The following IPCEF1 variants were observed in gnomAD, a reference collection of about 807,000 sequenced individuals.
IPCEF1 encodes interaction protein for cytohesin exchange factors 1.
Under a neutral mutation model 50.9 loss-of-function variants are expected in IPCEF1, and 31 were observed. The ratio of observed to expected loss-of-function variants is 0.61; its 90% CI spans 0.46 to 0.82. IPCEF1 has a LOEUF of 0.82. Among genes scored for constraint, IPCEF1 ranks in the 40% least tolerant of loss-of-function variants. The pLI is 0.00. For missense variants in IPCEF1, 458 were observed against 514.0 expected (o/e 0.89, Z 1.05); for synonymous variants, 181 against 192.0 (o/e 0.94, Z 0.47).
In IPCEF1 at chr6:154,212,796, G is replaced by A. The variant is rs35357377; in HGVS notation, c.511C>T (p.Pro171Ser). 2,243 of 1,613,328 alleles carry A rather than the reference G, an allele frequency of 1.4e-3. 3 individuals carry two copies. The highest frequency in any genetic ancestry group is 1.8e-3 in the Middle Eastern group (11 of 6,060). The change falls in exon 9 of 12, where the codon CCT becomes TCT. Residue 171 changes from proline to serine, a missense_variant. Physicochemically the swap from Pro to Ser is moderately conservative, Grantham distance 74. Transcript: ENST00000367220. ...PEIAAETPPP[P>S]HASQTQSLTA... ...AAAGACTGAGTCTGGGAAGCGTGAG[G>A]AGGGGGTGGTGTCTCCGCAGCTATT...
intron 9 of IPCEF1, among the ~76,000 whole-genome samples, chr6:154,209,263 G>A (rs1274424626): frequency 6.6e-6 from 1 of 151,940 alleles, no homozygotes; most frequent in African/African-American, 2.4e-5. Context: ...CCAAAAACTT[G>A]GGGAAAAAAA....
chr6:154,257,622 G>A lies in IPCEF1; in HGVS notation c.36+8290C>T, dbSNP rs928617715. The stretch of plus-strand genomic sequence containing the variant: ...TCTTAAATCCACAAATAACAAACAA[G>A]TCTCTTCCCATACTGGCCTCAATAT... On this transcript the variant is annotated intron_variant, in intron 3 of 11. Transcript: ENST00000367220. Among the ~76,000 whole-genome samples the A allele has an allele frequency of 1.2e-4, 19 of 152,298 alleles. 2 individuals are homozygous for A. The highest frequency in any genetic ancestry group is 3.9e-4 in the Admixed American group (6 of 15,286).
intron 2 of IPCEF1, among the ~76,000 whole-genome samples, chr6:154,284,046 C>T (rs1043854403): frequency 2.6e-5 from 4 of 152,154 alleles, no homozygotes; most frequent in Non-Finnish European, 5.9e-5. Flanking sequence ...TCTACTGAAA[C>T]TGTGCAAGTA....
intron 1 of IPCEF1, among the ~76,000 whole-genome samples, chr6:154,340,554 T>C (rs1783889394): frequency 6.6e-6 from 1 of 151,216 alleles, no homozygotes; most frequent in East Asian, 2.0e-4. Context: ...GCCCAGCCAG[T>C]TTTATACATT....
Position 154,187,562 on chromosome 6 carries a change from T to G in IPCEF1, c.910+12106A>C, listed in dbSNP as rs74626934. 7.2e-4 allele frequency among the ~76,000 whole-genome samples: 109 copies of G among 152,328 alleles called. 1 individual carries two copies. Among genetic ancestry groups the G allele is most frequent in the African/African-American group, 2.2e-3 (91 of 41,548 alleles). ...CATTAGGTGGGTGACCTGTACTACC[T>G]CACCAGTAGTTATTGAAAAACATGT... On this transcript the variant is annotated intron_variant, in intron 10 of 11. Coordinates refer to ENST00000367220, the MANE Select transcript of IPCEF1 (RefSeq NM_001130700.2).
At chr6:154,260,107 T>G (rs1781559072) in intron 3 of IPCEF1, among the ~76,000 whole-genome samples, 1 of 152,180 alleles carries the variant, frequency 6.6e-6, no homozygotes, top group Non-Finnish European at 1.5e-5. Flanking sequence ...CGATGCTTTG[T>G]GAGTGGCGAA....
At chr6:154,330,603 A>G (rs1014366513) in intron 1 of IPCEF1, among the ~76,000 whole-genome samples, 2 of 152,086 alleles carry the variant, frequency 1.3e-5, no homozygotes, top group Admixed American at 6.6e-5. Flanking sequence ...GATTACAGCC[A>G]TGACCTCCAC....
chr6:154,248,295 G>A (rs1407516299), intron 3 of IPCEF1, among the ~76,000 whole-genome samples: 2 of 137,462 alleles, frequency 1.5e-5, no homozygotes, highest in African/African-American at 2.7e-5. Context: ...ATTTTTAAGT[G>A]CTTTAAAATA....
At chr6:154,285,594 A>G (rs74993805) in intron 2 of IPCEF1, among the ~76,000 whole-genome samples, 10,187 of 152,292 alleles carry the variant, frequency 0.067, 738 homozygotes, top group Admixed American at 0.24. Context: ...TAATCTCCAT[A>G]TAAGTATTCT....
At chr6:154,311,233 T>C (rs896638141) in intron 1 of IPCEF1, among the ~76,000 whole-genome samples, 1 of 152,222 alleles carries the variant, frequency 6.6e-6, no homozygotes, top group Non-Finnish European at 1.5e-5. Context: ...AATCTCTCTC[T>C]TACTAACCTC....
chr6:154,246,801 G>A (rs1051781760), intron 4 of IPCEF1, 41 bp from the exon 5 acceptor site: 1 of 1,592,368 alleles, frequency 6.3e-7, no homozygotes, highest in Non-Finnish European at 8.6e-7. Context: ...GTATTACCCT[G>A]ATTTGGTAGG....
chr6:154,267,498 T>A (rs899493212), intron 2 of IPCEF1, among the ~76,000 whole-genome samples: 1 of 152,240 alleles, frequency 6.6e-6, no homozygotes, highest in African/African-American at 2.4e-5. Context: ...CTTTGGGTTG[T>A]CGCTCTTCTG....
intron 7 of IPCEF1, among the ~76,000 whole-genome samples, chr6:154,220,468 C>T (rs186871217): frequency 4.5e-4 from 68 of 152,136 alleles, no homozygotes; most frequent in African/African-American, 1.5e-3. Context: ...ACCAGCCTGG[C>T]CAACATGGTG....
intron 2 of IPCEF1, among the ~76,000 whole-genome samples, chr6:154,274,624 A>G (rs1031297528): frequency 6.6e-6 from 1 of 152,150 alleles, no homozygotes; most frequent in African/African-American, 2.4e-5. Context: ...AGCTCCCCTG[A>G]GTTGCTGAAC....
intron 1 of IPCEF1, among the ~76,000 whole-genome samples, chr6:154,347,804 T>C (rs1387369612): frequency 2.6e-5 from 4 of 152,138 alleles, no homozygotes; most frequent in East Asian, 1.9e-4. Flanking sequence ...TCCACAATGA[T>C]AGGAAACGTG....
At chr6:154,340,091 A>G (rs1030577449) in intron 1 of IPCEF1, among the ~76,000 whole-genome samples, 3 of 152,102 alleles carry the variant, frequency 2.0e-5, no homozygotes, top group African/African-American at 7.2e-5. Context: ...CTCTAGAGTG[A>G]ACCCCGAAAA....
At chr6:154,276,005 T>C (rs7741142) in intron 2 of IPCEF1, among the ~76,000 whole-genome samples, 147,184 of 152,170 alleles carry the variant, frequency 0.97, 71,202 homozygotes, top group East Asian at 1. Flanking sequence ...CATGGTGAAA[T>C]TCCATCTCTA....
intron 1 of IPCEF1, among the ~76,000 whole-genome samples, chr6:154,310,415 G>C (rs1437620551): frequency 6.6e-6 from 1 of 152,172 alleles, no homozygotes; most frequent in Non-Finnish European, 1.5e-5. Context: ...TGGCAAGGAT[G>C]CAGACCCTTG....
At chr6:154,300,432 G>T (rs1330729511) in intron 1 of IPCEF1, among the ~76,000 whole-genome samples, 1 of 152,130 alleles carries the variant, frequency 6.6e-6, no homozygotes, top group South Asian at 2.1e-4. Context: ...GGCAACATAT[G>T]ATGACCCACG....
Sources: gnomAD v4.1 joint callset for allele counts (sites outside exome capture counted in the v4.1 genomes callset) on GRCh38, gnomAD v4.1.1 for gene constraint, MANE v1.5 for transcripts, NCBI Gene and HGNC (gene_info 2026-07-23, HGNC 2026-07-21) for gene names.